ME1: variants seen among roughly 807,000 people sequenced by gnomAD.
The protein encoded by ME1 is NADP-dependent malic enzyme.
In ME1, 74 loss-of-function variants were observed where a neutral mutation model predicts 66.4. The ratio of observed to expected loss-of-function variants is 1.11; its 90% confidence interval spans 0.92 to 1.35. ME1 has a LOEUF of 1.35. ME1 is among the 40% of genes most tolerant of loss of function. The pLI is 0.00. For missense variants in ME1, 750 were observed against 694.1 expected (o/e 1.08, Z -0.90); for synonymous variants, 251 against 235.6 (o/e 1.07, Z -0.60).
At chr6:83,394,488 A>C (rs1045800890) in intron 3 of ME1, among the ~76,000 whole-genome samples, 5 of 152,190 alleles carry the variant, frequency 3.3e-5, no homozygotes, top group African/African-American at 1.2e-4. Context: ...ATAGTTACTT[A>C]TCTAATTATT....
chr6:83,312,500 A>G (rs1407716920), intron 6 of ME1, among the ~76,000 whole-genome samples: 1 of 152,170 alleles, frequency 6.6e-6, no homozygotes, highest in Admixed American at 6.5e-5. Context: ...AAGCTGCTCT[A>G]CCCTAAACCT....
intron 1 of ME1, among the ~76,000 whole-genome samples, chr6:83,410,046 G>T (rs753682603): frequency 2.1e-4 from 32 of 151,734 alleles, no homozygotes; most frequent in Non-Finnish European, 4.4e-4. Context: ...GACATCCGTG[G>T]TATCGCCTGA....
intron 2 of ME1, among the ~76,000 whole-genome samples, chr6:83,401,587 C>T (rs757063111): frequency 5.9e-5 from 9 of 152,094 alleles, no homozygotes; most frequent in South Asian, 4.1e-4. Flanking sequence ...GAGAAGGTTG[C>T]GAAGGAGTTT....
At chr6:83,414,366 G>T (rs1400301904) in intron 1 of ME1, among the ~76,000 whole-genome samples, 1 of 151,878 alleles carries the variant, frequency 6.6e-6, no homozygotes. Flanking sequence ...TTACACAAAA[G>T]ATCATTTGCT....
At chr6:83,355,385 CAA>C (rs1383051063) in intron 3 of ME1, among the ~76,000 whole-genome samples, 1 of 151,974 alleles carries the variant, frequency 6.6e-6, no homozygotes, top group East Asian at 1.9e-4. Flanking sequence ...CAAGGTTTTC[CAA>C]ATAACACTGG....
chr6:83,275,858 C>G (rs532230370), intron 6 of ME1, among the ~76,000 whole-genome samples: 1 of 148,866 alleles, frequency 6.7e-6, no homozygotes, highest in Non-Finnish European at 1.5e-5. Context: ...CTGCAACCTC[C>G]GCCTCCCGGG....
rs542157216 is a variant in ME1, at chr6:83,328,006, C to T, written c.601-12593G>A. ...ATTATAAATCATTCTATGATAAAGACACATGCACACGTATGTTTATTGCAG... is the reference window on the plus strand; with the variant it reads ...ATTATAAATCATTCTATGATAAAGATACATGCACACGTATGTTTATTGCAG... On this transcript the variant is annotated intron_variant, in intron 5 of 13. Transcript: ENST00000369705. Among the ~76,000 whole-genome samples the T allele has an allele frequency of 2.0e-5, 3 of 152,266 alleles. No individual in the cohort carries two copies. In the South Asian group the frequency reaches 6.2e-4, roughly 32 times the overall value.
chr6:83,245,424 A>G (rs1420528805), intron 7 of ME1, among the ~76,000 whole-genome samples: 1 of 148,930 alleles, frequency 6.7e-6, no homozygotes, highest in African/African-American at 2.5e-5. Flanking sequence ...TTTTTTTTTG[A>G]GACAGGGTTT....
chr6:83,267,947 A>G (rs1767016319), intron 6 of ME1, among the ~76,000 whole-genome samples: 1 of 152,204 alleles, frequency 6.6e-6, no homozygotes, highest in Non-Finnish European at 1.5e-5. Context: ...TAAGTGATCA[A>G]TTCAAGTGTC....
intron 10 of ME1, among the ~76,000 whole-genome samples, chr6:83,228,240 A>C (rs1790235561): frequency 6.6e-6 from 1 of 152,222 alleles, no homozygotes; most frequent in Admixed American, 6.5e-5. Context: ...GTACTGTATT[A>C]AGTGCTATAA....
intron 9 of ME1, among the ~76,000 whole-genome samples, chr6:83,231,761 C>G (rs926522083): frequency 6.6e-6 from 1 of 152,106 alleles, no homozygotes; most frequent in Non-Finnish European, 1.5e-5. Context: ...TTGCTGAAAT[C>G]CTTTTGCCTT....
chr6:83,266,685 T>C (rs1184191288), intron 6 of ME1, among the ~76,000 whole-genome samples: 1 of 152,188 alleles, frequency 6.6e-6, no homozygotes, highest in African/African-American at 2.4e-5. Flanking sequence ...GTATTGAAGA[T>C]ATTTAAGCCC....
At chr6:83,417,505 T>C (rs12212205) in intron 1 of ME1, among the ~76,000 whole-genome samples, 53,924 of 151,910 alleles carry the variant, frequency 0.35, 9,979 homozygotes, top group Middle Eastern at 0.49. Flanking sequence ...CTCAGCCTCC[T>C]AAGCAGGTGG....
intron 3 of ME1, among the ~76,000 whole-genome samples, chr6:83,396,042 A>T (rs908973238): frequency 6.6e-6 from 1 of 152,122 alleles, no homozygotes; most frequent in African/African-American, 2.4e-5. Context: ...CTATCCAAAA[A>T]TATCAAAAAA....
intron 1 of ME1, among the ~76,000 whole-genome samples, chr6:83,417,062 T>C (rs904088631): frequency 3.9e-5 from 6 of 152,182 alleles, no homozygotes; most frequent in African/African-American, 1.4e-4. Flanking sequence ...TTTTGCTTTG[T>C]TTTGCTTTGT....
chr6:83,301,245 T>C (rs990870394), intron 6 of ME1, among the ~76,000 whole-genome samples: 5 of 105,696 alleles, frequency 4.7e-5, no homozygotes, highest in African/African-American at 2.7e-4. Flanking sequence ...CTTGCTTCCT[T>C]TCTCTTTCTT....
intron 7 of ME1, among the ~76,000 whole-genome samples, chr6:83,241,001 G>T (rs1790499457): frequency 6.6e-6 from 1 of 151,992 alleles, no homozygotes; most frequent in Admixed American, 6.6e-5. Context: ...CATATATTAT[G>T]AAAAAGCCAC....
chr6:83,367,421 C>T (rs1769118841), intron 3 of ME1, among the ~76,000 whole-genome samples: 1 of 152,188 alleles, frequency 6.6e-6, no homozygotes, highest in Admixed American at 6.5e-5. Flanking sequence ...GAATTCTCCT[C>T]TCTAGCTATG....
chr6:83,281,822 AAAAAAAAAAAAAAGAAAAG>A (rs1316448442), intron 6 of ME1, among the ~76,000 whole-genome samples: 125 of 142,552 alleles, frequency 8.8e-4, no homozygotes, highest in South Asian at 6.8e-3. Flanking sequence ...AAAAAAAAAA[AAAAAAAAAAAAAAGAAAAG>A]AAAACAAAAA....
Sources: allele counts gnomAD v4.1 joint callset (sites outside exome capture counted in the v4.1 genomes callset), GRCh38; gene constraint gnomAD v4.1.1; transcripts MANE v1.5; gene names NCBI Gene and HGNC (gene_info 2026-07-23, HGNC 2026-07-21).